The following RABGAP1L variants were observed in gnomAD, a reference collection of about 807,000 sequenced individuals.
The protein encoded by RABGAP1L is RAB GTPase activating protein 1 like.
In RABGAP1L, 63 loss-of-function variants were observed where a neutral mutation model predicts 137.7. The observed-to-expected ratio is 0.46, with a 90% confidence interval of 0.37 to 0.56. RABGAP1L has a LOEUF of 0.56. Ranked by LOEUF, RABGAP1L falls within the 20% of genes least tolerant of loss-of-function variation. The probability of loss-of-function intolerance (pLI) is 0.00; values close to 1 mark genes in which losing one functional copy is unlikely to be tolerated. For synonymous variants in RABGAP1L, 431 were observed against 433.7 expected, an observed-to-expected ratio of 0.99 and a Z score of 0.08; for missense variants, 1,095 against 1,244.0, an observed-to-expected ratio of 0.88 and a Z score of 1.80.
chr1:174,286,547 T>C (rs182379572), intron 10 of RABGAP1L, among the ~76,000 whole-genome samples: 65 of 152,234 alleles, frequency 4.3e-4, no homozygotes, highest in Non-Finnish European at 7.1e-4. Flanking sequence ...TTTACTCTTC[T>C]CTATTTCATT....
chr1:174,259,193 C>G (rs1182379023), intron 7 of RABGAP1L, among the ~76,000 whole-genome samples: 3 of 151,964 alleles, frequency 2.0e-5, no homozygotes, highest in African/African-American at 7.3e-5. Context: ...GCAAATTATA[C>G]TGCAGTTGTC....
At chr1:174,220,496 C>A (rs779334293) in intron 2 of RABGAP1L, among the ~76,000 whole-genome samples, 1 of 152,024 alleles carries the variant, frequency 6.6e-6, no homozygotes, top group African/African-American at 2.4e-5. Context: ...GGGGAAATCC[C>A]GTCTCTACAA....
intron 13 of RABGAP1L, among the ~76,000 whole-genome samples, chr1:174,614,677 C>T (rs1671621695): frequency 6.6e-6 from 1 of 152,278 alleles, no homozygotes; most frequent in African/African-American, 2.4e-5. Context: ...GAGTGTTTTC[C>T]AACTTGGTTC....
chr1:174,712,743 C>G lies in RABGAP1L; in HGVS notation c.2169+10487C>G, dbSNP rs554558774. On this transcript the variant is annotated intron_variant, in intron 17 of 25. Transcript: ENST00000681986. ...ATGGATATATCCTTTTCCTTTCTCT[C>G]TTAGCACCCCGTGGTTGGTGTTTAT... Among the ~76,000 whole-genome samples, 66 of 152,284 alleles carry G rather than the reference C, an allele frequency of 4.3e-4. 1 individual carries two copies. The South Asian group carries it at 0.013, about 30-fold the overall frequency.
intron 21 of RABGAP1L, among the ~76,000 whole-genome samples, chr1:174,973,562 T>C (rs1038549286): frequency 2.6e-5 from 4 of 151,968 alleles, no homozygotes; most frequent in Admixed American, 6.6e-5. Flanking sequence ...TTTTTGTATT[T>C]TTAATAGAGA....
chr1:174,222,558 C>T (rs1669840072), intron 3 of RABGAP1L, among the ~76,000 whole-genome samples: 1 of 152,146 alleles, frequency 6.6e-6, no homozygotes, highest in African/African-American at 2.4e-5. Flanking sequence ...CATGTATATG[C>T]ACATGTAAAG....
At chr1:174,205,898 A>C (rs908905585) in intron 1 of RABGAP1L, among the ~76,000 whole-genome samples, 2 of 152,234 alleles carry the variant, frequency 1.3e-5, no homozygotes, top group Non-Finnish European at 2.9e-5. Context: ...TGAAAGGAAT[A>C]TTTTAGGGAA....
chr1:174,568,433 T>G (rs1289498880), intron 13 of RABGAP1L, among the ~76,000 whole-genome samples: 1 of 152,198 alleles, frequency 6.6e-6, no homozygotes, highest in Non-Finnish European at 1.5e-5. Flanking sequence ...AGTAAGACAC[T>G]TGGCATGTTA....
intron 11 of RABGAP1L, among the ~76,000 whole-genome samples, chr1:174,349,638 AC>A (rs1365666356): frequency 2.1e-5 from 2 of 96,298 alleles, no homozygotes; most frequent in African/African-American, 3.9e-5. Context: ...TGGGGGGCTG[AC>A]CCCCCCACCT....
At chr1:174,401,587 A>G (rs1418049451) in intron 13 of RABGAP1L, among the ~76,000 whole-genome samples, 3 of 152,192 alleles carry the variant, frequency 2.0e-5, no homozygotes, top group Non-Finnish European at 4.4e-5. Flanking sequence ...GGGGAGAAAG[A>G]AAACAGGAAG....
chr1:174,559,352 C>T (rs1418567825), intron 13 of RABGAP1L, among the ~76,000 whole-genome samples: 1 of 152,126 alleles, frequency 6.6e-6, no homozygotes, highest in East Asian at 1.9e-4. Context: ...AGAACATTTA[C>T]TTTATCAAAA....
intron 1 of RABGAP1L, among the ~76,000 whole-genome samples, chr1:174,201,602 C>CTT (rs144476158): frequency 6.7e-6 from 1 of 150,222 alleles, no homozygotes; most frequent in East Asian, 2.0e-4. Flanking sequence ...TTGTATTTTT[C>CTT]TTTTTTTTGT....
intron 10 of RABGAP1L, among the ~76,000 whole-genome samples, chr1:174,300,688 G>A (rs1172765446): frequency 6.6e-6 from 1 of 152,004 alleles, no homozygotes; most frequent in African/African-American, 2.4e-5. Context: ...CAAGGTGGGT[G>A]AAACCCCATC....
chr1:174,724,683 G>C (rs570488592), intron 17 of RABGAP1L, among the ~76,000 whole-genome samples: 1 of 152,284 alleles, frequency 6.6e-6, no homozygotes, highest in African/African-American at 2.4e-5. Context: ...TAATAGAACA[G>C]ACGTTGTCTT....
chr1:174,367,620 G>C (rs746824644), intron 11 of RABGAP1L: 3 of 269,378 alleles, frequency 1.1e-5, no homozygotes, highest in Non-Finnish European at 2.2e-5. Context: ...ACTTCATTTT[G>C]TTTCAGAAGG....
At chr1:174,417,662 C>T (rs1377223648) in intron 13 of RABGAP1L, among the ~76,000 whole-genome samples, 1 of 152,118 alleles carries the variant, frequency 6.6e-6, no homozygotes, top group African/African-American at 2.4e-5. Context: ...GTATTAATTG[C>T]TATAACTTAC....
intron 11 of RABGAP1L, among the ~76,000 whole-genome samples, chr1:174,349,714 C>T (rs1311165906): frequency 1.5e-4 from 21 of 135,660 alleles, no homozygotes; most frequent in South Asian, 5.0e-4. Context: ...CCGGACAGGG[C>T]GGCTGGCCGG....
chr1:174,469,252 C>G (rs925745822), intron 13 of RABGAP1L, among the ~76,000 whole-genome samples: 1 of 151,968 alleles, frequency 6.6e-6, no homozygotes, highest in South Asian at 2.1e-4. Context: ...ATATTGCTGA[C>G]AAGGGAAATT....
intron 1 of RABGAP1L, among the ~76,000 whole-genome samples, chr1:174,200,363 A>C (rs1039862257): frequency 2.6e-5 from 4 of 152,224 alleles, no homozygotes; most frequent in Non-Finnish European, 4.4e-5. Flanking sequence ...GGAAAATTCT[A>C]TACCTTTTTG....
Sources: allele counts gnomAD v4.1 joint callset (sites outside exome capture counted in the v4.1 genomes callset), GRCh38; gene constraint gnomAD v4.1.1; transcripts MANE v1.5; gene names NCBI Gene and HGNC (gene_info 2026-07-23, HGNC 2026-07-21).